The following ADD3 variants were observed in gnomAD, a reference collection of about 807,000 sequenced individuals.
The protein encoded by ADD3 is gamma-adducin.
In ADD3, 25 loss-of-function variants were observed where a neutral mutation model predicts 80.2. That is an observed-to-expected ratio of 0.31 (90% CI 0.23 to 0.44). ADD3 has a LOEUF of 0.44. ADD3 is among the 20% of genes least tolerant of loss of function. The pLI, the probability that ADD3 is intolerant of heterozygous loss-of-function variation, is 1.00. For synonymous variants in ADD3, 284 were observed against 289.6 expected (o/e 0.98, Z 0.20); for missense variants, 829 against 847.5 (o/e 0.98, Z 0.27).
At chr10:110,047,937 T>G (rs754912045) in intron 1 of ADD3, among the ~76,000 whole-genome samples, 1 of 152,216 alleles carries the variant, frequency 6.6e-6, no homozygotes, top group Non-Finnish European at 1.5e-5. Flanking sequence ...AAGATTTAGC[T>G]AAGTGTAATA....
intron 1 of ADD3, among the ~76,000 whole-genome samples, chr10:109,997,286 G>A (rs931004547): frequency 6.6e-6 from 1 of 152,178 alleles, no homozygotes; most frequent in South Asian, 2.1e-4. Flanking sequence ...TCAGCATGGG[G>A]TCAGCCCCTA....
intron 1 of ADD3, among the ~76,000 whole-genome samples, chr10:110,022,249 T>C (rs528285827): frequency 2.0e-5 from 3 of 152,246 alleles, no homozygotes; most frequent in African/African-American, 7.2e-5. Context: ...ATGAATAAGT[T>C]TATTAGGTCT....
intron 1 of ADD3, among the ~76,000 whole-genome samples, chr10:110,019,972 A>G (rs1320202260): frequency 6.6e-6 from 1 of 152,216 alleles, no homozygotes; most frequent in Non-Finnish European, 1.5e-5. Context: ...TTGGCAAAGG[A>G]CAGATTCTTT....
intron 1 of ADD3, among the ~76,000 whole-genome samples, chr10:110,065,539 C>CCTTTTTTTT (rs1843806502): frequency 6.4e-5 from 2 of 31,186 alleles, no homozygotes; most frequent in African/African-American, 1.6e-4. Flanking sequence ...TCTCTCTCCC[C>CCTTTTTTTT]TTTTTTTTTT....
chr10:110,002,767 T>C (rs986529274), upstream of ADD3, among the ~76,000 whole-genome samples: 4 of 152,192 alleles, frequency 2.6e-5, no homozygotes, highest in Non-Finnish European at 4.4e-5. Flanking sequence ...AAGGGTGATA[T>C]TTCATTAAAG....
At chr10:110,002,066 G>A (rs1467918490), upstream of ADD3, among the ~76,000 whole-genome samples, 3 of 152,112 alleles carry the variant, frequency 2.0e-5, no homozygotes, top group Non-Finnish European at 2.9e-5. Context: ...GCTGAAGTGG[G>A]CAGATCGCTC....
At chr10:110,016,960 T>C (rs1589735083) in intron 1 of ADD3, among the ~76,000 whole-genome samples, 1 of 152,322 alleles carries the variant, frequency 6.6e-6, no homozygotes, top group East Asian at 1.9e-4. Flanking sequence ...ATTGTTGCTA[T>C]AAAAATACAC....
At chr10:110,054,357 G>T (rs1857877406) in intron 1 of ADD3, among the ~76,000 whole-genome samples, 2 of 151,404 alleles carry the variant, frequency 1.3e-5, no homozygotes, top group Non-Finnish European at 2.9e-5. Flanking sequence ...GGAGTCTTGA[G>T]TTTAGAATTA....
chr10:110,039,884 G>A (rs912606086), intron 1 of ADD3, among the ~76,000 whole-genome samples: 2 of 152,218 alleles, frequency 1.3e-5, no homozygotes, highest in Non-Finnish European at 2.9e-5. Context: ...TGCTAAGCAA[G>A]CCTCATCACA....
chr10:110,130,600 A>G, intron 13 of ADD3, 114 bp downstream of exon 13: 1 of 1,203,230 alleles, frequency 8.3e-7, no homozygotes, highest in Non-Finnish European at 1.2e-6. Flanking sequence ...TCACACCTGT[A>G]ATCCCAGCAC....
At position 110,133,878 on chromosome 10, in the gene ADD3, A is replaced by G. The variant is rs1479336350; in HGVS notation, c.*260A>G. The G allele has an allele frequency of 1.1e-5, 3 of 263,950 alleles. No individual in the cohort carries two copies. Among genetic ancestry groups the G allele is most frequent in the African/African-American group, 2.2e-5 (1 of 45,374 alleles). 16.4% of individuals were successfully genotyped at this position (263,950 alleles called of 1,614,324 possible). A position where few individuals can be genotyped will look rare whatever the true frequency, so the allele number is the denominator to read the frequency against. On this transcript the variant is annotated 3_prime_UTR_variant, in exon 15 of 15. Transcript: ENST00000356080. ...TCATGAAGTATTATTATAATTCACCATAAACAGCTATCTGTCTGAATTACT... is the reference window on the plus strand; with the variant it reads ...TCATGAAGTATTATTATAATTCACCGTAAACAGCTATCTGTCTGAATTACT...
In ADD3 at chr10:110,125,958, C is replaced by T. The variant is rs543959358; in HGVS notation, c.1521+13C>T. Reference sequence around the variant, plus strand: ...AAAGAGAAATAAGGTAAGACATGGTCTTCTATAGCCAGGGGAGACATTTTA... The same window carrying T: ...AAAGAGAAATAAGGTAAGACATGGTTTTCTATAGCCAGGGGAGACATTTTA... On this transcript the variant is annotated intron_variant, in intron 11 of 14. Transcript: ENST00000356080. The T allele has an allele frequency of 1.3e-6, 2 of 1,583,192 alleles. No individual in the cohort carries two copies. The highest frequency in any genetic ancestry group is 1.1e-5 in the South Asian group (1 of 88,074).
chr10:110,086,538 G>T (rs1431426401), intron 1 of ADD3, among the ~76,000 whole-genome samples: 2 of 152,160 alleles, frequency 1.3e-5, no homozygotes, highest in Non-Finnish European at 2.9e-5. Context: ...CATGAGGGTG[G>T]TTTCTAATGG....
rs1271422278 is a variant in ADD3, at chr10:110,134,253, A to C, written c.*635A>C. 6.6e-6 allele frequency: 1 copy of C among 152,318 alleles called. No homozygotes were observed. The allele number at this position is 152,318 out of a possible 1,614,324, so 9.4% of individuals were successfully genotyped here. Reference sequence around the variant, plus strand: ...ATAATTTTTGAAAACTTCCTTTTTTATTAGTTTAGAAAGCCCCTTATTTTT... The same window carrying C: ...ATAATTTTTGAAAACTTCCTTTTTTCTTAGTTTAGAAAGCCCCTTATTTTT... On this transcript the variant is annotated 3_prime_UTR_variant, in exon 15 of 15. Coordinates refer to ENST00000356080, the MANE Select transcript of ADD3 (RefSeq NM_016824.5).
intron 1 of ADD3, among the ~76,000 whole-genome samples, chr10:110,014,075 G>A (rs1203300472): frequency 6.6e-6 from 1 of 152,212 alleles, no homozygotes; most frequent in Non-Finnish European, 1.5e-5. Context: ...TGCTAGAGCA[G>A]AAAGTTGGGT....
In ADD3 at chr10:110,032,576, A is replaced by G. The variant is rs189226249; in HGVS notation, c.-30+24277A>G. On this transcript the variant is annotated intron_variant, in intron 1 of 14. Transcript: ENST00000356080. Reference sequence around the variant, plus strand: ...ATTTATAATACTAAGAGCTATGTAAACTGTAAAATACTATTTCAGGAAAGA... The same window carrying G: ...ATTTATAATACTAAGAGCTATGTAAGCTGTAAAATACTATTTCAGGAAAGA... Among the ~76,000 whole-genome samples, 226 of 152,370 alleles carry G rather than the reference A, an allele frequency of 1.5e-3. 1 individual carries two copies. Among genetic ancestry groups the G allele is most frequent in the Admixed American group, 2.2e-3 (34 of 15,308 alleles).
intron 5 of ADD3, among the ~76,000 whole-genome samples, 179 bp from the exon 6 acceptor site, chr10:110,118,408 T>G (rs918711582): frequency 6.6e-6 from 1 of 152,200 alleles, no homozygotes; most frequent in African/African-American, 2.4e-5. Flanking sequence ...TACAGATTGT[T>G]TATGGCTGCT....
chr10:110,128,464 A>G (rs1290934973), intron 12 of ADD3, among the ~76,000 whole-genome samples: 2 of 151,870 alleles, frequency 1.3e-5, no homozygotes, highest in Non-Finnish European at 2.9e-5. Context: ...TGCCCAGGCT[A>G]GAGTGCAGTG....
chr10:110,100,547 A>G (rs1848695530), intron 1 of ADD3, 78 bp from the exon 2 acceptor site: 1 of 955,350 alleles, frequency 1.0e-6, no homozygotes, highest in Non-Finnish European at 1.4e-6. Flanking sequence ...GCAAAATGTA[A>G]AAGTTCTGCT....
Sources: allele counts gnomAD v4.1 joint callset (sites outside exome capture counted in the v4.1 genomes callset), GRCh38; gene constraint gnomAD v4.1.1; transcripts MANE v1.5; gene names NCBI Gene and HGNC (gene_info 2026-07-23, HGNC 2026-07-21).